The following ZMAT4 variants were observed in gnomAD, a reference collection of about 807,000 sequenced individuals.
The protein encoded by ZMAT4 is zinc finger matrin-type protein 4.
In ZMAT4, 17 loss-of-function variants were observed where a neutral mutation model predicts 28.7. That is an observed-to-expected ratio of 0.59 (90% CI 0.41 to 0.89). ZMAT4 has a LOEUF of 0.89. Among genes scored for constraint, ZMAT4 ranks in the 40% least tolerant of loss-of-function variants. ZMAT4 has a pLI of 0.00. For synonymous variants in ZMAT4, 117 were observed against 109.2 expected (o/e 1.07, Z -0.44); for missense variants, 240 against 283.8 (o/e 0.85, Z 1.11).
At chr8:40,614,514 T>G (rs1585760787) in intron 5 of ZMAT4, among the ~76,000 whole-genome samples, 1 of 152,298 alleles carries the variant, frequency 6.6e-6, no homozygotes, top group South Asian at 2.1e-4. Flanking sequence ...TGTCTAATGT[T>G]GACAGTGGGG....
At chr8:40,690,737 A>G (rs57216460) in intron 4 of ZMAT4, among the ~76,000 whole-genome samples, 3,040 of 152,284 alleles carry the variant, frequency 0.02, 99 homozygotes, top group African/African-American at 0.069. Flanking sequence ...TATTCAACAG[A>G]GAACTTAAAT....
At chr8:40,870,755 A>G (rs1817828155) in intron 1 of ZMAT4, among the ~76,000 whole-genome samples, 1 of 152,232 alleles carries the variant, frequency 6.6e-6, no homozygotes, top group Non-Finnish European at 1.5e-5. Flanking sequence ...GAATAAAAAG[A>G]GGCAATTGAC....
intron 5 of ZMAT4, among the ~76,000 whole-genome samples, chr8:40,603,944 G>A (rs1032721069): frequency 3.9e-5 from 6 of 152,082 alleles, no homozygotes; most frequent in Non-Finnish European, 8.8e-5. Flanking sequence ...CCTTGATTAG[G>A]TCTATTTCTA....
At chr8:40,716,497 G>T (rs1228367042) in intron 3 of ZMAT4, among the ~76,000 whole-genome samples, 1 of 152,130 alleles carries the variant, frequency 6.6e-6, no homozygotes, top group African/African-American at 2.4e-5. Context: ...TATGAGATCA[G>T]CCTGGCCAAG....
chr8:40,850,145 A>T lies in ZMAT4; in HGVS notation c.-4-24465T>A, dbSNP rs146103177. On this transcript the variant is annotated intron_variant, in intron 1 of 6. Coordinates refer to ENST00000297737, the MANE Select transcript of ZMAT4 (RefSeq NM_024645.3). Reference sequence around the variant, plus strand: ...GAGGACACCTGCCCTTCCTGCCTTCATCCAGACATCTCACAATCCATTCTT... The same window carrying T: ...GAGGACACCTGCCCTTCCTGCCTTCTTCCAGACATCTCACAATCCATTCTT... Among the ~76,000 whole-genome samples the T allele has an allele frequency of 1.7e-4, 26 of 152,250 alleles. No individual in the cohort carries two copies. The East Asian group carries it at 4.1e-3, about 24-fold the overall frequency.
intron 1 of ZMAT4, among the ~76,000 whole-genome samples, chr8:40,826,449 C>T (rs962303406): frequency 2.6e-5 from 4 of 152,026 alleles, no homozygotes; most frequent in Admixed American, 2.0e-4. Flanking sequence ...CAGAAAATTG[C>T]TTTTGCAATT....
chr8:40,604,449 A>G (rs894165939), intron 5 of ZMAT4, among the ~76,000 whole-genome samples: 12 of 152,212 alleles, frequency 7.9e-5, no homozygotes, highest in African/African-American at 2.9e-4. Context: ...GATTTTGTCA[A>G]ATGCTTTTTC....
At chr8:40,707,178 A>T (rs896344891) in intron 3 of ZMAT4, among the ~76,000 whole-genome samples, 2 of 151,662 alleles carry the variant, frequency 1.3e-5, no homozygotes, top group Non-Finnish European at 2.9e-5. Flanking sequence ...AAGACAGCTG[A>T]TGCTTCCTCA....
chr8:40,716,826 A>C (rs9298601), intron 3 of ZMAT4, among the ~76,000 whole-genome samples: 90,169 of 151,502 alleles, frequency 0.6, 27,323 homozygotes, highest in African/African-American at 0.71. Context: ...ATATCAACAA[A>C]GACCTAGGCC....
intron 1 of ZMAT4, among the ~76,000 whole-genome samples, chr8:40,831,792 G>A (rs1231813195): frequency 2.0e-5 from 3 of 152,220 alleles, no homozygotes; most frequent in East Asian, 1.9e-4. Flanking sequence ...CTCCAGTATC[G>A]GGCATTGTGA....
At position 40,593,050 on chromosome 8, in the gene ZMAT4, A is replaced by G. The variant is rs142147844; in HGVS notation, c.578-11789T>C. Among the ~76,000 whole-genome samples, 441 of 152,276 alleles carry G rather than the reference A, an allele frequency of 2.9e-3. 4 individuals are homozygous for G. Among genetic ancestry groups the G allele is most frequent in the African/African-American group, 0.01 (416 of 41,560 alleles). ...TTAAATAACAATACATGGGAGAAAT[A>G]TCTTTTTGTTGGTCTGGGTTTTGAT... On this transcript the variant is annotated intron_variant, in intron 5 of 6. Coordinates refer to ENST00000297737, the MANE Select transcript of ZMAT4 (RefSeq NM_024645.3).
chr8:40,872,330 G>A (rs11989170), intron 1 of ZMAT4, among the ~76,000 whole-genome samples: 15,837 of 152,238 alleles, frequency 0.1, 1,020 homozygotes, highest in African/African-American at 0.16. Flanking sequence ...AGCCCTCCAG[G>A]TGCCAGCGGA....
chr8:40,686,290 A>C (rs2150483833), intron 4 of ZMAT4, among the ~76,000 whole-genome samples: 1 of 151,998 alleles, frequency 6.6e-6, no homozygotes, highest in East Asian at 1.9e-4. Flanking sequence ...TGAGGTGGGA[A>C]GATTGCTTGA....
chr8:40,751,095 G>A (rs754246405), intron 3 of ZMAT4, among the ~76,000 whole-genome samples: 8 of 152,152 alleles, frequency 5.3e-5, no homozygotes, highest in African/African-American at 7.2e-5. Context: ...TTCCAGATAA[G>A]AACTTCCTGA....
intron 2 of ZMAT4, among the ~76,000 whole-genome samples, chr8:40,782,396 A>AACAC (rs1447384520): frequency 6.9e-6 from 1 of 145,816 alleles, no homozygotes; most frequent in Non-Finnish European, 1.6e-5. Context: ...AAAACAAGCA[A>AACAC]ACAAACAAAC....
At position 40,576,376 on chromosome 8, in the gene ZMAT4, T is replaced by C. The variant is rs979141207; in HGVS notation, c.674+4789A>G. On this transcript the variant is annotated intron_variant, in intron 6 of 6. Transcript: ENST00000297737. Reference sequence around the variant, plus strand: ...TCCCTGAGGCATATTACGGTCAAACTGTCAAAAGTCAAAGACAAAGAGAGA... The same window carrying C: ...TCCCTGAGGCATATTACGGTCAAACCGTCAAAAGTCAAAGACAAAGAGAGA... 4.0e-5 allele frequency among the ~76,000 whole-genome samples: 6 copies of C among 151,192 alleles called. 1 individual carries two copies. In the Admixed American group the frequency reaches 4.0e-4, roughly 10 times the overall value.
chr8:40,694,225 C>T (rs1296248231), intron 4 of ZMAT4, among the ~76,000 whole-genome samples: 2 of 152,126 alleles, frequency 1.3e-5, no homozygotes, highest in African/African-American at 4.8e-5. Context: ...GGAGGATGGC[C>T]ATCCGGACTC....
intron 2 of ZMAT4, among the ~76,000 whole-genome samples, chr8:40,825,180 A>G (rs1815986523): frequency 6.6e-6 from 1 of 152,136 alleles, no homozygotes; most frequent in African/African-American, 2.4e-5. Flanking sequence ...TACAGTGTTT[A>G]ACAAAGGTCT....
intron 5 of ZMAT4, among the ~76,000 whole-genome samples, chr8:40,626,220 G>A (rs1263384393): frequency 6.6e-6 from 1 of 152,054 alleles, no homozygotes; most frequent in Non-Finnish European, 1.5e-5. Flanking sequence ...AATCCCTGAG[G>A]CACTTCCTTC....
Sources: gnomAD v4.1 joint callset for allele counts (sites outside exome capture counted in the v4.1 genomes callset) on GRCh38, gnomAD v4.1.1 for gene constraint, MANE v1.5 for transcripts, NCBI Gene and HGNC (gene_info 2026-07-23, HGNC 2026-07-21) for gene names.